MTHFD1: variants seen among roughly 807,000 people sequenced by gnomAD.
The protein encoded by MTHFD1 is methylenetetrahydrofolate dehydrogenase, cyclohydrolase and formyltetrahydrofolate synthetase 1.
Under a neutral mutation model 110.3 loss-of-function variants are expected in MTHFD1, and 44 were observed. The ratio of observed to expected loss-of-function variants is 0.40; its 90% CI spans 0.31 to 0.51. The LOEUF is 0.51. Ranked by LOEUF, MTHFD1 falls within the 20% of genes least tolerant of loss-of-function variation. The pLI, the probability that MTHFD1 is intolerant of heterozygous loss-of-function variation, is 0.60. For synonymous variants in MTHFD1, 402 were observed against 428.8 expected (o/e 0.94, Z 0.77); for missense variants, 909 against 1,173.1 (o/e 0.77, Z 3.29).
intron 1 of MTHFD1, 135 bp from the exon 2 acceptor site, chr14:64,400,658 C>T: frequency 1.4e-6 from 1 of 694,092 alleles, no homozygotes; most frequent in Non-Finnish European, 2.6e-6. Context: ...ACTGTACTCC[C>T]AGCCTGGGTG....
chr14:64,458,968 C>A (rs1439431684), intron 27 of MTHFD1, among the ~76,000 whole-genome samples: 1 of 152,146 alleles, frequency 6.6e-6, no homozygotes, highest in Non-Finnish European at 1.5e-5. Context: ...ACATGAAAAT[C>A]CTAACATCTT....
chr14:64,397,190 TA>T (rs1170738947), intron 1 of MTHFD1, among the ~76,000 whole-genome samples: 97 of 5,198 alleles, frequency 0.019, 1 homozygote, highest in South Asian at 0.074. Flanking sequence ...TATATATATA[TA>T]AAAAACAGTA....
rs1418451283 is a variant in MTHFD1, at chr14:64,417,164, C to T, written c.479-724C>T. Among the ~76,000 whole-genome samples, 3 of 152,174 alleles carry T rather than the reference C, an allele frequency of 2.0e-5. No individual in the cohort carries two copies. The highest frequency in any genetic ancestry group is 1.3e-4 in the Admixed American group (2 of 15,268). On this transcript the variant is annotated intron_variant, in intron 6 of 27. Coordinates refer to ENST00000652337, the MANE Select transcript of MTHFD1 (RefSeq NM_005956.4). This position sits in a 1 kb window ranked among gnomAD's most constrained non-coding sequence, Gnocchi z 4.4. The stretch of plus-strand genomic sequence containing the variant: ...ACAAACACCTACAGCCTGGTTCCAT[C>T]CTCATGCCTAACAGTCATGGGATTG...
intron 26 of MTHFD1, 29 bp from the exon 27 acceptor site, chr14:64,458,185 T>C: frequency 6.6e-7 from 1 of 1,514,776 alleles, no homozygotes; most frequent in Non-Finnish European, 9.2e-7. Context: ...CCAGCATTAG[T>C]TTATTTGTAA....
chr14:64,413,912 C>T (rs888451592), intron 4 of MTHFD1, among the ~76,000 whole-genome samples: 2 of 152,186 alleles, frequency 1.3e-5, no homozygotes, highest in African/African-American at 4.8e-5. Context: ...TCATTGTAGC[C>T]TCAACCTCCT....
At chr14:64,442,768 A>G (rs1389026570) in intron 21 of MTHFD1, among the ~76,000 whole-genome samples, 1 of 152,082 alleles carries the variant, frequency 6.6e-6, no homozygotes, top group Non-Finnish European at 1.5e-5. Context: ...AGCCAACCAA[A>G]CCAGTTAGCT....
chr14:64,410,100 A>G (rs1245000536), intron 2 of MTHFD1, among the ~76,000 whole-genome samples: 1 of 152,248 alleles, frequency 6.6e-6, no homozygotes, highest in African/African-American at 2.4e-5. Context: ...TTACAAATAA[A>G]TGGTTATAAT....
chr14:64,405,399 G>A (rs1229035011), intron 2 of MTHFD1, among the ~76,000 whole-genome samples: 1 of 152,186 alleles, frequency 6.6e-6, no homozygotes, highest in Non-Finnish European at 1.5e-5. Flanking sequence ...AACAGTGGTA[G>A]AATCTTTTAA....
At position 64,424,945 on chromosome 14, in the gene MTHFD1, A is replaced by G; in HGVS notation, c.855+14A>G. ...ATGCTCATGCAGGTAATTGTGAATA[A>G]AAGTTTCTATAAGAGTTCTGAAAAG... On this transcript the variant is annotated intron_variant, in intron 9 of 27. Coordinates refer to ENST00000652337, the MANE Select transcript of MTHFD1 (RefSeq NM_005956.4). The G allele has an allele frequency of 6.2e-7, 1 of 1,614,152 alleles. No homozygotes were observed. The highest frequency in any genetic ancestry group is 8.5e-7 in the Non-Finnish European group (1 of 1,180,016).
intron 4 of MTHFD1, 83 bp downstream of exon 4, chr14:64,412,608 G>A: frequency 1.0e-6 from 1 of 970,540 alleles, no homozygotes; most frequent in Admixed American, 1.7e-5. Flanking sequence ...TTTGGGGACT[G>A]ACACATTTAG....
chr14:64,396,987 C>G (rs2077854452), intron 1 of MTHFD1, among the ~76,000 whole-genome samples: 1 of 144,126 alleles, frequency 6.9e-6, no homozygotes, highest in African/African-American at 2.6e-5. Flanking sequence ...CGCCTGTAGT[C>G]CCAGCTACTT....
chr14:64,405,630 G>A (rs924042866), intron 2 of MTHFD1, among the ~76,000 whole-genome samples: 4 of 152,160 alleles, frequency 2.6e-5, no homozygotes, highest in Non-Finnish European at 5.9e-5. Flanking sequence ...TATTGATTGT[G>A]CCTCTCATCA....
chr14:64,419,690 A>C lies in MTHFD1; in HGVS notation c.616-124A>C, dbSNP rs569025625. ...ATTTGAGGCCTTAACCCAATATCTT[A>C]TGAAATAGCTTATGACACTTAAGAA... is the stretch of plus-strand genomic sequence containing the variant. On this transcript the variant is annotated intron_variant, in intron 7 of 27. Coordinates refer to ENST00000652337, the MANE Select transcript of MTHFD1 (RefSeq NM_005956.4). 2.6e-5 allele frequency: 19 copies of C among 743,326 alleles called. No homozygotes were observed. The East Asian group carries it at 4.3e-4, about 17-fold the overall frequency. 46.0% of individuals were successfully genotyped at this position (743,326 alleles called of 1,614,324 possible).
At chr14:64,435,068 G>C (rs2078195530) in intron 15 of MTHFD1, among the ~76,000 whole-genome samples, 1 of 143,666 alleles carries the variant, frequency 7.0e-6, no homozygotes, top group African/African-American at 2.6e-5. Flanking sequence ...TGCTGTCTCA[G>C]CCTCCCAAGT....
intron 4 of MTHFD1, 113 bp from the exon 5 acceptor site, chr14:64,415,245 A>G (rs376410131): frequency 8.2e-6 from 7 of 851,562 alleles, no homozygotes; most frequent in Admixed American, 1.8e-5. Flanking sequence ...TGAAAGGACT[A>G]TAATTAAAGT....
At chr14:64,411,033 T>C (rs2077979248) in intron 2 of MTHFD1, 57 bp from the exon 3 acceptor site, 1 of 1,202,158 alleles carries the variant, frequency 8.3e-7, no homozygotes, top group African/African-American at 1.5e-5. Context: ...TGTAGAAGCT[T>C]TTCTGTGCAC....
At chr14:64,414,701 A>G (rs922548667) in intron 4 of MTHFD1, among the ~76,000 whole-genome samples, 1 of 132,560 alleles carries the variant, frequency 7.5e-6, no homozygotes, top group Non-Finnish European at 1.6e-5. Context: ...ATTGTTGCCC[A>G]GGCTGGAGTG....
chr14:64,397,148 T>G, intron 1 of MTHFD1, among the ~76,000 whole-genome samples: 414 of 2,218 alleles, frequency 0.19, 53 homozygotes, highest in African/African-American at 0.44. Context: ...AATATATATA[T>G]ATATATATAT....
intron 2 of MTHFD1, among the ~76,000 whole-genome samples, chr14:64,407,681 C>G (rs1042833433): frequency 4.0e-5 from 6 of 151,608 alleles, no homozygotes; most frequent in Admixed American, 1.3e-4. Flanking sequence ...CCCAAATGAG[C>G]TGGGACTACA....
Sources: allele counts gnomAD v4.1 joint callset (sites outside exome capture counted in the v4.1 genomes callset), GRCh38; gene constraint gnomAD v4.1.1; non-coding constraint Gnocchi (gnomAD v3.1); transcripts MANE v1.5; gene names NCBI Gene and HGNC (gene_info 2026-07-23, HGNC 2026-07-21).